The following IRF6 variants were observed in gnomAD, a reference collection of about 807,000 sequenced individuals.
IRF6 encodes the protein Van der Woude syndrome.
In IRF6, 6 loss-of-function variants were observed where a neutral mutation model predicts 51.4. The observed-to-expected ratio is 0.12, with a 90% CI of 0.06 to 0.23. The LOEUF (loss-of-function observed/expected upper bound fraction) is 0.23. IRF6 is among the 10% of genes least tolerant of loss of function. The pLI is 1.00. For missense variants in IRF6, 348 were observed against 585.2 expected (o/e 0.59, Z 4.18); for synonymous variants, 178 against 215.7 (o/e 0.83, Z 1.53).
rs1347750180 is a variant in IRF6, at chr1:209,792,657, C to T, written c.509-230G>A. ...TCCCACAAATTCATAGTTTTAAAAA[C>T]CTTTGTTTGCTGAAGATTAACATAG... On this transcript the variant is annotated intron_variant, in intron 5 of 8. Transcript: ENST00000367021. The T allele has an allele frequency of 2.8e-5, 16 of 579,406 alleles. 1 individual carries two copies. The highest frequency in any genetic ancestry group is 4.6e-5 in the Non-Finnish European group (15 of 326,334). The allele number at this position is 579,406 out of a possible 1,614,324, so 35.9% of individuals were successfully genotyped here.
At position 209,790,903 on chromosome 1, in the gene IRF6, T is replaced by A. The variant is rs1283383747; in HGVS notation, c.668-16A>T. 6.2e-7 allele frequency: 1 copy of A among 1,612,216 alleles called. No homozygotes were observed. Among genetic ancestry groups the A allele is most frequent in the Non-Finnish European group, 8.5e-7 (1 of 1,180,020 alleles). On this transcript the variant is annotated splice_polypyrimidine_tract_variant and intron_variant, in intron 6 of 8. Transcript: ENST00000367021. The surrounding 1 kb of genome is among the most constrained non-coding windows in gnomAD (Gnocchi z 4.8). ...AGGTCAGTCACTGCAAGGTTAGAGATGACAGTGAGAGTCCTGCTTCACTGC... is the reference window on the plus strand; with the variant it reads ...AGGTCAGTCACTGCAAGGTTAGAGAAGACAGTGAGAGTCCTGCTTCACTGC...
chr1:209,785,733 C>A lies in IRF6; in HGVS notation c.*2687G>T, dbSNP rs1209583501. The A allele has an allele frequency of 1.3e-5, 2 of 152,170 alleles. No homozygotes were observed. Among genetic ancestry groups the A allele is most frequent in the South Asian group, 4.1e-4 (2 of 4,828 alleles). 9.4% of individuals were successfully genotyped at this position (152,170 alleles called of 1,614,324 possible). On this transcript the variant is annotated 3_prime_UTR_variant, in exon 9 of 9. Coordinates refer to ENST00000367021, the MANE Select transcript of IRF6 (RefSeq NM_006147.4). ...TTCCAGCAACAAATATTTGAGAACACACTGTGTCCCAGACACTGTTCTAAG... is the reference window on the plus strand; with the variant it reads ...TTCCAGCAACAAATATTTGAGAACAAACTGTGTCCCAGACACTGTTCTAAG...
chr1:209,793,853 T>G (rs1363768385), intron 5 of IRF6, among the ~76,000 whole-genome samples: 4 of 152,190 alleles, frequency 2.6e-5, no homozygotes, highest in Non-Finnish European at 5.9e-5. Context: ...TTAGTTCACT[T>G]AGGATAATGC....
In IRF6 at chr1:209,786,182, G is replaced by C. The variant is rs1372301602; in HGVS notation, c.*2238C>G. The C allele has an allele frequency of 6.6e-6, 1 of 152,232 alleles. No individual in the cohort carries two copies. The highest frequency in any genetic ancestry group is 6.5e-5 in the Admixed American group (1 of 15,288). The allele number at this position is 152,232 out of a possible 1,614,324, so 9.4% of individuals were successfully genotyped here. ...TCTAAATCTATCCAGCAGGACCAGA[G>C]AAAGAGTGCTGAGGGTGATTAGATG... On this transcript the variant is annotated 3_prime_UTR_variant, in exon 9 of 9. Coordinates refer to ENST00000367021, the MANE Select transcript of IRF6 (RefSeq NM_006147.4).
chr1:209,797,370 C>CAAAAAA (rs11418099), intron 3 of IRF6, among the ~76,000 whole-genome samples: 3 of 48,594 alleles, frequency 6.2e-5, no homozygotes, highest in African/African-American at 9.1e-5. Context: ...AACTTCATCT[C>CAAAAAA]AAAAAAAAAA....
intron 3 of IRF6, among the ~76,000 whole-genome samples, chr1:209,800,524 A>C (rs1198420586): frequency 6.6e-6 from 1 of 152,194 alleles, no homozygotes; most frequent in Non-Finnish European, 1.5e-5. Context: ...TGGGAGGCTA[A>C]GGAGGGAGGA....
chr1:209,789,952 A>G (rs1479775391), intron 7 of IRF6, among the ~76,000 whole-genome samples, 167 bp from the exon 8 acceptor site: 6 of 152,228 alleles, frequency 3.9e-5, no homozygotes, highest in Non-Finnish European at 8.8e-5. Context: ...TACATGCTCA[A>G]TAGCCACATA....
Position 209,796,951 on chromosome 1 carries a change from T to C in IRF6, c.175-399A>G, listed in dbSNP as rs1047292306. Among the ~76,000 whole-genome samples the C allele has an allele frequency of 6.6e-6, 1 of 152,254 alleles. No homozygotes were observed. Among genetic ancestry groups the C allele is most frequent in the African/African-American group, 2.4e-5 (1 of 41,464 alleles). ...TAGCAGAATTTCAAGTAACTTTTTT[T>C]CTTTGCTTATTCATTTTTGACATGA... On this transcript the variant is annotated intron_variant, in intron 3 of 8. Coordinates refer to ENST00000367021, the MANE Select transcript of IRF6 (RefSeq NM_006147.4). The surrounding 1 kb of genome is among the most constrained non-coding windows in gnomAD (Gnocchi z 4.5).
intron 5 of IRF6, among the ~76,000 whole-genome samples, chr1:209,794,864 C>T (rs1038672361): frequency 6.6e-6 from 1 of 152,202 alleles, no homozygotes; most frequent in African/African-American, 2.4e-5. Context: ...TCCCGTGATA[C>T]AGCCTAGGCA....
rs770638885 is a variant in IRF6, at chr1:209,801,226, A to G, written c.174+14T>C. 1 of 1,593,480 alleles carries G rather than the reference A, an allele frequency of 6.3e-7. No individual in the cohort carries two copies. Among genetic ancestry groups the G allele is most frequent in the South Asian group, 1.1e-5 (1 of 90,680 alleles). ...AAAATCCAGAAAGGTCTGATGGTAG[A>G]AGAAGTCCTTTACCTTAAAAATGGT... On this transcript the variant is annotated intron_variant, in intron 3 of 8. Transcript: ENST00000367021.
intron 8 of IRF6, among the ~76,000 whole-genome samples, chr1:209,789,324 C>CAAA (rs983621256): frequency 8.3e-6 from 1 of 119,996 alleles, no homozygotes. Flanking sequence ...ACCATGTCTC[C>CAAA]AAAAAAAAAA....
chr1:209,801,579 G>A (rs1263833196), intron 2 of IRF6, among the ~76,000 whole-genome samples, 163 bp from the exon 3 acceptor site: 1 of 152,224 alleles, frequency 6.6e-6, no homozygotes, highest in East Asian at 1.9e-4. Flanking sequence ...AAGAAAAGAG[G>A]TTAAAAGGTC....
At position 209,805,960 on chromosome 1, in the gene IRF6, G is replaced by C. The variant is rs1349081388; in HGVS notation, c.-89C>G. 2 of 152,314 alleles carry C rather than the reference G, an allele frequency of 1.3e-5. No individual in the cohort carries two copies. Among genetic ancestry groups the C allele is most frequent in the Admixed American group, 1.3e-4 (2 of 15,286 alleles). 9.4% of individuals were successfully genotyped at this position (152,314 alleles called of 1,614,324 possible). On this transcript the variant is annotated 5_prime_UTR_variant, in exon 1 of 9. Coordinates refer to ENST00000367021, the MANE Select transcript of IRF6 (RefSeq NM_006147.4). ...TGGCGTACCCACCTTTGCTCAATCT[G>C]TCCACCAGAAGCGGACGTCCCTCCG...
At chr1:209,791,026 C>T (rs554211529) in intron 6 of IRF6, 139 bp from the exon 7 acceptor site, 2 of 1,558,730 alleles carry the variant, frequency 1.3e-6, no homozygotes, top group South Asian at 2.4e-5. Flanking sequence ...ATCCTTCCTG[C>T]AATAAAGGGA....
chr1:209,797,187 G>A (rs566212316), intron 3 of IRF6, among the ~76,000 whole-genome samples: 46 of 151,906 alleles, frequency 3.0e-4, no homozygotes, highest in South Asian at 6.2e-4. Context: ...CCTGACCAAC[G>A]CGGAGAAACT....
In IRF6 at chr1:209,791,489, T is replaced by C. The variant is rs527325153; in HGVS notation, c.668-602A>G. ...ATTAATAGCACTCACATGCCTACCA[T>C]ATGTAGTGTGAAAGGGAGACCCAAG... On this transcript the variant is annotated intron_variant, in intron 6 of 8. Transcript: ENST00000367021. Among the ~76,000 whole-genome samples the C allele has an allele frequency of 3.9e-5, 6 of 152,310 alleles. No homozygotes were observed. In the South Asian group the frequency reaches 1.2e-3, roughly 32 times the overall value.
At chr1:209,798,827 T>C (rs2102545399) in intron 3 of IRF6, among the ~76,000 whole-genome samples, 1 of 147,406 alleles carries the variant, frequency 6.8e-6, no homozygotes, top group South Asian at 2.1e-4. Flanking sequence ...GAGAATCGCT[T>C]GAACCCGGGA....
chr1:209,792,578 T>C (rs2102538940), intron 5 of IRF6, 151 bp from the exon 6 acceptor site: 1 of 736,080 alleles, frequency 1.4e-6, no homozygotes. Flanking sequence ...TTCCCATAAC[T>C]AACGCAATAA....
chr1:209,794,678 C>G (rs1350817462), intron 5 of IRF6, among the ~76,000 whole-genome samples: 1 of 152,194 alleles, frequency 6.6e-6, no homozygotes, highest in Non-Finnish European at 1.5e-5. Flanking sequence ...AACGTGTGTT[C>G]AAGTATCCTC....
Sources: allele counts gnomAD v4.1 joint callset (sites outside exome capture counted in the v4.1 genomes callset), GRCh38; gene constraint gnomAD v4.1.1; non-coding constraint Gnocchi (gnomAD v3.1); transcripts MANE v1.5; gene names NCBI Gene and HGNC (gene_info 2026-07-23, HGNC 2026-07-21).